Variants in CUX1 observed in about 807,000 individuals in gnomAD.
CUX1 encodes protein CASP.
In CUX1, 31 loss-of-function variants were observed where a neutral mutation model predicts 158.8. That is an observed-to-expected ratio of 0.20 (90% CI 0.15 to 0.26). The LOEUF is 0.26. Ranked by LOEUF, CUX1 falls within the 10% of genes least tolerant of loss-of-function variation. The pLI is 1.00. For synonymous variants in CUX1, 879 were observed against 862.1 expected (o/e 1.02, Z -0.34); for missense variants, 1,589 against 2,014.6 (o/e 0.79, Z 4.04).
chr7:101,976,900 ATTTTTTTTTTTTTTTT>A (rs10643207), intron 2 of CUX1, among the ~76,000 whole-genome samples: 3 of 39,462 alleles, frequency 7.6e-5, no homozygotes, highest in East Asian at 9.0e-4. Flanking sequence ...TCCCTTTCTG[ATTTTTTTTTTTTTTTT>A]TTTTTTTTTT....
intron 2 of CUX1, among the ~76,000 whole-genome samples, chr7:101,989,518 G>A (rs1469327063): frequency 6.6e-6 from 1 of 152,168 alleles, no homozygotes; most frequent in Non-Finnish European, 1.5e-5. Flanking sequence ...CGAGTGGAGC[G>A]TTCTGTTGCT....
chr7:101,861,304 A>G (rs555134621), intron 1 of CUX1, among the ~76,000 whole-genome samples: 3 of 152,300 alleles, frequency 2.0e-5, no homozygotes, highest in East Asian at 3.9e-4. Flanking sequence ...TTCAAGTGCA[A>G]TGGCGTCTCT....
At chr7:101,993,844 C>T (rs1391554199) in intron 2 of CUX1, among the ~76,000 whole-genome samples, 1 of 152,178 alleles carries the variant, frequency 6.6e-6, no homozygotes, top group African/African-American at 2.4e-5. Context: ...ATCCTCTGTG[C>T]TTTTCCCTGG....
At chr7:102,186,396 T>C (rs868945133) in intron 11 of CUX1, among the ~76,000 whole-genome samples, 1 of 152,004 alleles carries the variant, frequency 6.6e-6, no homozygotes, top group South Asian at 2.1e-4. Context: ...ACTTCCTAGT[T>C]CAACTGCCCC....
intron 4 of CUX1, among the ~76,000 whole-genome samples, chr7:102,086,179 G>C (rs1292581966): frequency 2.0e-5 from 3 of 151,136 alleles, no homozygotes; most frequent in African/African-American, 7.3e-5. Flanking sequence ...GATTAGTCTG[G>C]CTAGAGGCTT....
chr7:102,077,559 G>C (rs1195377086), intron 4 of CUX1, among the ~76,000 whole-genome samples: 1 of 132,698 alleles, frequency 7.5e-6, no homozygotes, highest in Non-Finnish European at 1.6e-5. Flanking sequence ...AGATGAACAA[G>C]TAAAATATGC....
downstream of CUX1, among the ~76,000 whole-genome samples, chr7:102,259,413 C>A (rs967318484): frequency 6.6e-6 from 1 of 152,110 alleles, no homozygotes; most frequent in Non-Finnish European, 1.5e-5. Context: ...CATGGTGAAA[C>A]CCCGTCTCTA....
intron 2 of CUX1, among the ~76,000 whole-genome samples, chr7:102,026,655 A>G (rs1222089245): frequency 1.3e-5 from 2 of 151,768 alleles, no homozygotes; most frequent in East Asian, 1.9e-4. Context: ...CCCCGTCTCT[A>G]CTAAAAATAC....
chr7:102,206,320 G>A (rs1317553820), intron 20 of CUX1, among the ~76,000 whole-genome samples: 2 of 152,182 alleles, frequency 1.3e-5, no homozygotes, highest in Admixed American at 1.3e-4. Context: ...GGACATCTAG[G>A]TGGAGCGGGT....
intron 5 of CUX1, among the ~76,000 whole-genome samples, chr7:102,100,383 G>T (rs1392993509): frequency 6.6e-6 from 1 of 152,204 alleles, no homozygotes; most frequent in Non-Finnish European, 1.5e-5. Context: ...TTTGCTAAAA[G>T]CCTCTTTCTC....
intron 4 of CUX1, among the ~76,000 whole-genome samples, chr7:102,070,674 T>C (rs1257936400): frequency 2.0e-5 from 3 of 152,168 alleles, no homozygotes; most frequent in Admixed American, 2.0e-4. Flanking sequence ...GAGATCCAAA[T>C]CTCTGGGGCT....
intron 8 of CUX1, among the ~76,000 whole-genome samples, chr7:102,136,539 C>T (rs1168826216): frequency 4.6e-5 from 7 of 152,026 alleles, no homozygotes; most frequent in South Asian, 2.1e-4. Context: ...TTACAGGCAC[C>T]GCCACCACAC....
chr7:102,196,954 A>AACT lies in CUX1; in HGVS notation c.1544_1546dup (p.Asn515_Ser516insTyr). On this transcript the variant is annotated inframe_insertion, in exon 15 of 24. Coordinates refer to ENST00000292535, the MANE Select transcript of CUX1 (RefSeq NM_181552.4). The stretch of plus-strand genomic sequence containing the variant: ...TTTTTCAACAGGTCCATACAGCACA[A>AACT]ACTCCATATCTTCCCAAAGTCCATT... The AACT allele has an allele frequency of 6.2e-7, 1 of 1,614,200 alleles. No individual in the cohort carries two copies. The highest frequency in any genetic ancestry group is 8.5e-7 in the Non-Finnish European group (1 of 1,180,042).
intron 2 of CUX1, among the ~76,000 whole-genome samples, chr7:101,954,712 C>T (rs1200459434): frequency 6.6e-6 from 1 of 152,168 alleles, no homozygotes; most frequent in African/African-American, 2.4e-5. Context: ...GTGGCTTAGA[C>T]CAACTTCCAG....
At chr7:101,905,727 G>A (rs6465837) in intron 1 of CUX1, among the ~76,000 whole-genome samples, 98,249 of 152,102 alleles carry the variant, frequency 0.65, 32,903 homozygotes, top group East Asian at 0.94. Flanking sequence ...AAGATGGGAA[G>A]GCATTGCCAG....
At chr7:102,105,342 A>G (rs782161347) in intron 6 of CUX1, among the ~76,000 whole-genome samples, 4 of 151,990 alleles carry the variant, frequency 2.6e-5, no homozygotes, top group African/African-American at 4.8e-5. Flanking sequence ...TTAATGCCCT[A>G]TGTAACTGAT....
intron 3 of CUX1, among the ~76,000 whole-genome samples, chr7:102,035,064 A>G (rs1821266629): frequency 9.2e-6 from 1 of 109,216 alleles, no homozygotes; most frequent in African/African-American, 3.6e-5. Context: ...CATCAGACCC[A>G]GTGGTGGTAA....
intron 1 of CUX1, among the ~76,000 whole-genome samples, chr7:101,854,542 C>T (rs954688773): frequency 6.6e-6 from 1 of 152,066 alleles, no homozygotes; most frequent in Admixed American, 6.5e-5. Context: ...GAAGGGACCC[C>T]CTCCATAAAG....
chr7:102,030,611 C>G (rs1322247302), intron 3 of CUX1, among the ~76,000 whole-genome samples: 1 of 151,686 alleles, frequency 6.6e-6, no homozygotes, highest in Non-Finnish European at 1.5e-5. Context: ...TTTATAACGG[C>G]CCTCCTCGCA....
Sources: gnomAD v4.1 joint callset for allele counts (sites outside exome capture counted in the v4.1 genomes callset) on GRCh38, gnomAD v4.1.1 for gene constraint, MANE v1.5 for transcripts, NCBI Gene and HGNC (gene_info 2026-07-23, HGNC 2026-07-21) for gene names.